The following GALNT17 variants were observed in gnomAD, a reference collection of about 807,000 sequenced individuals.
GALNT17 encodes the protein polypeptide N-acetylgalactosaminyltransferase 17, also known as UDP-GalNAc:polypeptide N-acetylgalactosaminyltransferase-like 3.
In GALNT17, 29 loss-of-function variants were observed where a neutral mutation model predicts 63.7. The observed-to-expected ratio is 0.46, with a 90% CI of 0.34 to 0.62. The LOEUF is 0.62. Among genes scored for constraint, GALNT17 ranks in the 20% least tolerant of loss-of-function variants. The pLI, the probability that GALNT17 is intolerant of heterozygous loss-of-function variation, is 0.01. For synonymous variants in GALNT17, 305 were observed against 318.3 expected (o/e 0.96, Z 0.45); for missense variants, 603 against 799.6 (o/e 0.75, Z 2.97).
chr7:71,451,355 T>C (rs1043340997), intron 5 of GALNT17, among the ~76,000 whole-genome samples: 1 of 152,200 alleles, frequency 6.6e-6, no homozygotes, highest in Non-Finnish European at 1.5e-5. Flanking sequence ...TTTTCTACTC[T>C]GTCGCAGAAA....
At chr7:71,186,295 T>C (rs982635205) in intron 1 of GALNT17, among the ~76,000 whole-genome samples, 18 of 152,158 alleles carry the variant, frequency 1.2e-4, no homozygotes, top group Admixed American at 1.3e-4. Context: ...GGAACTCTTA[T>C]CTACTTGGTT....
intron 1 of GALNT17, among the ~76,000 whole-genome samples, chr7:71,304,037 C>T (rs1486279867): frequency 6.6e-6 from 1 of 152,174 alleles, no homozygotes; most frequent in East Asian, 1.9e-4. Flanking sequence ...ATAAGCTTGT[C>T]CCTCAAGAAT....
At chr7:71,263,841 G>A (rs796637131) in intron 1 of GALNT17, among the ~76,000 whole-genome samples, 16 of 151,566 alleles carry the variant, frequency 1.1e-4, no homozygotes, top group African/African-American at 2.7e-4. Context: ...GGAGAATGGC[G>A]TGAACCCGGG....
intron 6 of GALNT17, among the ~76,000 whole-genome samples, chr7:71,629,014 C>T (rs1206557370): frequency 6.6e-6 from 1 of 152,134 alleles, no homozygotes; most frequent in African/African-American, 2.4e-5. Flanking sequence ...GGGAGTAGTC[C>T]ATGGGCCACG....
chr7:71,574,632 G>C (rs999036966), intron 6 of GALNT17, among the ~76,000 whole-genome samples: 3 of 152,168 alleles, frequency 2.0e-5, no homozygotes, highest in Non-Finnish European at 2.9e-5. Flanking sequence ...AGTCTACACA[G>C]AATTCTCTGG....
intron 9 of GALNT17, among the ~76,000 whole-genome samples, chr7:71,678,747 AT>A (rs1358312154): frequency 1.3e-5 from 2 of 151,422 alleles, no homozygotes; most frequent in African/African-American, 4.9e-5. Flanking sequence ...GTGAGCCAAG[AT>A]CGCAACACTG....
At chr7:71,303,734 C>T (rs1791241255) in intron 1 of GALNT17, among the ~76,000 whole-genome samples, 1 of 152,012 alleles carries the variant, frequency 6.6e-6, no homozygotes, top group African/African-American at 2.4e-5. Context: ...GCTGGACTCC[C>T]CTCTAAAGAA....
chr7:71,184,780 G>A (rs1331368232), intron 1 of GALNT17, among the ~76,000 whole-genome samples: 4 of 152,136 alleles, frequency 2.6e-5, no homozygotes, highest in Non-Finnish European at 5.9e-5. Context: ...TGCATTAGCT[G>A]GAATTCTAAA....
chr7:71,556,725 ATTTTG>A (rs1211673476), intron 5 of GALNT17, among the ~76,000 whole-genome samples: 4 of 151,116 alleles, frequency 2.6e-5, no homozygotes, highest in East Asian at 3.9e-4. Context: ...ACACCCAGCT[ATTTTG>A]TTTTGTTTTG....
At chr7:71,593,259 CTTTTTTTTTTTTTT>C (rs56193714) in intron 6 of GALNT17, among the ~76,000 whole-genome samples, 2 of 70,992 alleles carry the variant, frequency 2.8e-5, no homozygotes, top group Non-Finnish European at 4.9e-5. Flanking sequence ...ATTTTTCTTC[CTTTTTTTTTTTTTT>C]TTTTTTTTTT....
intron 5 of GALNT17, among the ~76,000 whole-genome samples, chr7:71,489,701 G>A (rs1248062058): frequency 1.3e-5 from 2 of 152,190 alleles, no homozygotes; most frequent in Non-Finnish European, 2.9e-5. Flanking sequence ...GTCCATTGGC[G>A]GCGGGCTGGG....
chr7:71,318,672 C>A (rs531189938), intron 1 of GALNT17, among the ~76,000 whole-genome samples: 67 of 152,210 alleles, frequency 4.4e-4, no homozygotes, highest in African/African-American at 1.5e-3. Flanking sequence ...TTGTGATCCA[C>A]CCACCTCAGC....
intron 5 of GALNT17, among the ~76,000 whole-genome samples, chr7:71,482,575 T>A (rs1338699188): frequency 6.6e-6 from 1 of 152,192 alleles, no homozygotes; most frequent in East Asian, 1.9e-4. Flanking sequence ...GTAAAGCGTG[T>A]TGCTCCTAGA....
chr7:71,201,782 C>T lies in GALNT17; in HGVS notation c.238+68742C>T, dbSNP rs1293030072. 2.0e-5 allele frequency among the ~76,000 whole-genome samples: 3 copies of T among 152,094 alleles called. No individual in the cohort carries two copies. The East Asian group carries it at 5.8e-4, about 29-fold the overall frequency. Reference sequence around the variant, plus strand: ...GAGTCGCTGGGATTACAGGCACACGCCACCACACCCAGCTAATTTTTGTTA... The same window carrying T: ...GAGTCGCTGGGATTACAGGCACACGTCACCACACCCAGCTAATTTTTGTTA... On this transcript the variant is annotated intron_variant, in intron 1 of 10. Transcript: ENST00000333538.
At chr7:71,589,795 C>T (rs184368913) in intron 6 of GALNT17, among the ~76,000 whole-genome samples, 298 of 152,252 alleles carry the variant, frequency 2.0e-3, no homozygotes, top group Non-Finnish European at 3.7e-3. Context: ...GAACTCAACC[C>T]AAATCTACAT....
At chr7:71,396,508 T>G (rs1446051690) in intron 3 of GALNT17, among the ~76,000 whole-genome samples, 3 of 152,166 alleles carry the variant, frequency 2.0e-5, no homozygotes, top group Non-Finnish European at 4.4e-5. Context: ...TCACACTGTC[T>G]TGATAACTTT....
intron 1 of GALNT17, among the ~76,000 whole-genome samples, chr7:71,216,968 G>C (rs1789493921): frequency 6.6e-6 from 1 of 151,708 alleles, no homozygotes; most frequent in South Asian, 2.1e-4. Flanking sequence ...TTTGTTTTTA[G>C]TTTTATTTTG....
intron 5 of GALNT17, among the ~76,000 whole-genome samples, chr7:71,530,283 G>T (rs2116777088): frequency 6.6e-6 from 1 of 152,198 alleles, no homozygotes; most frequent in Admixed American, 6.5e-5. Flanking sequence ...TGTCTATTTT[G>T]CTGGTTAATT....
At chr7:71,233,090 A>G (rs989649577) in intron 1 of GALNT17, among the ~76,000 whole-genome samples, 2 of 152,296 alleles carry the variant, frequency 1.3e-5, no homozygotes, top group African/African-American at 4.8e-5. Context: ...CTTCTTCACC[A>G]ACCCGGAAGA....
Sources: allele counts gnomAD v4.1 joint callset (sites outside exome capture counted in the v4.1 genomes callset), GRCh38; gene constraint gnomAD v4.1.1; transcripts MANE v1.5; gene names NCBI Gene and HGNC (gene_info 2026-07-23, HGNC 2026-07-21).